Variants in MAP3K13 observed in about 807,000 individuals in gnomAD.
MAP3K13 encodes the protein leucine zipper-bearing kinase.
Under a neutral mutation model 104.0 loss-of-function variants are expected in MAP3K13, and 52 were observed. That is an observed-to-expected ratio of 0.50 (90% CI 0.40 to 0.63). The LOEUF is 0.63. MAP3K13 is among the 20% of genes least tolerant of loss of function. The pLI, the probability that MAP3K13 is intolerant of heterozygous loss-of-function variation, is 0.00. For synonymous variants in MAP3K13, 394 were observed against 442.2 expected (o/e 0.89, Z 1.37); for missense variants, 914 against 1,218.5 (o/e 0.75, Z 3.72).
rs537440229 is a variant in MAP3K13 at position 185,325,541 on chromosome 3, T to G, written c.-86+39898T>G. Among the ~76,000 whole-genome samples, 4 of 152,326 alleles carry G rather than the reference T, an allele frequency of 2.6e-5. No individual in the cohort carries two copies. The South Asian group carries it at 8.3e-4, about 32-fold the overall frequency. On this transcript the variant is annotated intron_variant, in intron 2 of 14. Transcript: ENST00000424227. The stretch of plus-strand genomic sequence containing the variant: ...CTCTCCTCCTCATAGACTGCTACCT[T>G]GGCTCAGTGTCACCTCAAAACTGCC...
chr3:185,347,633 A>G (rs1458218270), intron 2 of MAP3K13, among the ~76,000 whole-genome samples: 1 of 152,234 alleles, frequency 6.6e-6, no homozygotes, highest in African/African-American at 2.4e-5. Flanking sequence ...CATTCGATTG[A>G]AAATGTCACC....
intron 3 of MAP3K13, among the ~76,000 whole-genome samples, chr3:185,441,843 A>C (rs1715339124): frequency 6.6e-6 from 1 of 152,054 alleles, no homozygotes; most frequent in Non-Finnish European, 1.5e-5. Flanking sequence ...GGAGTTCAAG[A>C]CCAGCCTGAC....
intron 2 of MAP3K13, among the ~76,000 whole-genome samples, chr3:185,429,345 A>C (rs1298792871): frequency 1.3e-5 from 2 of 152,246 alleles, no homozygotes; most frequent in African/African-American, 2.4e-5. Flanking sequence ...ATTAGAGATC[A>C]TGTTTATCTC....
rs1361123412 is a variant in MAP3K13, at chr3:185,455,143, ATATG to A, written c.1278+3750_1278+3753del. ...TATATGTGAGATATATATATGATAT[ATATG>A]TGAGATATATATGATATATATGAGA... is the stretch of plus-strand genomic sequence containing the variant. On this transcript the variant is annotated intron_variant, in intron 7 of 13. Transcript: ENST00000265026. Among the ~76,000 whole-genome samples the A allele has an allele frequency of 3.1e-4, 31 of 99,642 alleles. 2 individuals are homozygous for A. The highest frequency in any genetic ancestry group is 9.8e-4 in the African/African-American group (29 of 29,562). 65.4% of individuals were successfully genotyped at this position (99,642 alleles called of 152,430 possible).
At chr3:185,468,587 C>T (rs1474484303) in intron 10 of MAP3K13, among the ~76,000 whole-genome samples, 1 of 152,134 alleles carries the variant, frequency 6.6e-6, no homozygotes, top group Admixed American at 6.5e-5. Flanking sequence ...GAGTTAAATG[C>T]AGTAAGAATA....
intron 7 of MAP3K13, among the ~76,000 whole-genome samples, chr3:185,454,894 G>C (rs1261313851): frequency 1.2e-5 from 1 of 83,950 alleles, no homozygotes; most frequent in Non-Finnish European, 2.2e-5. Flanking sequence ...ATATATATAT[G>C]AGATATATAT....
intron 2 of MAP3K13, among the ~76,000 whole-genome samples, chr3:185,305,468 A>G (rs1367805491): frequency 6.6e-6 from 1 of 152,148 alleles, no homozygotes. Context: ...ATAATTTCAT[A>G]GTTATAGTTT....
At chr3:185,298,258 C>T (rs890247535) in intron 2 of MAP3K13, among the ~76,000 whole-genome samples, 1 of 152,004 alleles carries the variant, frequency 6.6e-6, no homozygotes, top group Admixed American at 6.5e-5. Flanking sequence ...ACATCTGTCC[C>T]ACACCATTTT....
chr3:185,454,883 G>GAGATATATATC (rs1390778840), intron 7 of MAP3K13, among the ~76,000 whole-genome samples: 1 of 25,658 alleles, frequency 3.9e-5, no homozygotes, highest in African/African-American at 9.6e-5. Context: ...ATATATATAT[G>GAGATATATATC]ATATATATAT....
intron 2 of MAP3K13, among the ~76,000 whole-genome samples, chr3:185,339,861 A>G (rs2108718509): frequency 6.6e-6 from 1 of 152,388 alleles, no homozygotes. Context: ...AGGAAACATT[A>G]AAACATACAG....
In MAP3K13 at chr3:185,437,460, G is replaced by A. The variant is rs937213072; in HGVS notation, c.489G>A (p.Val163=). The change falls in exon 3 of 14, where the codon GTG becomes GTA. Residue 163 remains valine (V), a synonymous_variant. Coordinates refer to ENST00000265026, the MANE Select transcript of MAP3K13 (RefSeq NM_004721.5). ...TTGTGTGCCTAGATACTTGGGAAGT[G>A]CCATTTGAGGAGATCTCAGAGCTGC... The part of the protein sequence containing the change: ...YKLQQQDTWE[V]PFEEISELQW... The A allele has an allele frequency of 5.0e-6, 8 of 1,613,146 alleles. No individual in the cohort carries two copies. Among genetic ancestry groups the A allele is most frequent in the Non-Finnish European group, 6.8e-6 (8 of 1,179,692 alleles).
In MAP3K13 at chr3:185,458,805, G is replaced by A. The variant is rs375269226; in HGVS notation, c.1279-4745G>A. Reference sequence around the variant, plus strand: ...GCTGACTCCTTCCTGAGAAAACGCGGCATTTGTTTTTCGTCAACAGCACAT... The same window carrying A: ...GCTGACTCCTTCCTGAGAAAACGCGACATTTGTTTTTCGTCAACAGCACAT... On this transcript the variant is annotated intron_variant, in intron 7 of 13. Transcript: ENST00000265026. 9.1e-4 allele frequency among the ~76,000 whole-genome samples: 139 copies of A among 152,278 alleles called. 1 individual carries two copies. The South Asian group carries it at 0.019, about 21-fold the overall frequency.
intron 1 of MAP3K13, among the ~76,000 whole-genome samples, chr3:185,384,670 A>T (rs887916718): frequency 3.9e-5 from 6 of 152,040 alleles, no homozygotes; most frequent in Admixed American, 6.6e-5. Flanking sequence ...GATATATCTC[A>T]CTGTGGTTTG....
At chr3:185,402,289 T>C (rs889688741) in intron 1 of MAP3K13, among the ~76,000 whole-genome samples, 1 of 152,260 alleles carries the variant, frequency 6.6e-6, no homozygotes, top group Non-Finnish European at 1.5e-5. Context: ...TTATTCATGG[T>C]AGTAGTATCA....
chr3:185,407,172 T>C (rs899435436), intron 1 of MAP3K13, among the ~76,000 whole-genome samples: 2 of 152,342 alleles, frequency 1.3e-5, no homozygotes, highest in Non-Finnish European at 1.5e-5. Context: ...GAACCTTGGA[T>C]ATAAATAATG....
chr3:185,297,762 A>G (rs1209109466), intron 2 of MAP3K13, among the ~76,000 whole-genome samples: 1 of 151,878 alleles, frequency 6.6e-6, no homozygotes, highest in African/African-American at 2.4e-5. Flanking sequence ...AAAGAAAAGA[A>G]AAAGAAACAG....
At chr3:185,331,854 G>A (rs1722296162) in intron 2 of MAP3K13, among the ~76,000 whole-genome samples, 1 of 152,110 alleles carries the variant, frequency 6.6e-6, no homozygotes, top group Non-Finnish European at 1.5e-5. Flanking sequence ...AGTATAAATA[G>A]ATTCTTATTT....
At chr3:185,457,570 A>C (rs952824671) in intron 7 of MAP3K13, among the ~76,000 whole-genome samples, 14 of 152,028 alleles carry the variant, frequency 9.2e-5, no homozygotes, top group African/African-American at 3.1e-4. Flanking sequence ...TGCCCTCATG[A>C]CCTAATTACT....
Position 185,429,031 on chromosome 3 carries a change from C to T in MAP3K13, c.450C>T (p.Ser150=). ...PVWNIIGKAY[S]TDYKLQQQDT... is the part of the protein sequence containing the mutation. ...GGAATATCATTGGGAAGGCATATTC[C>T]ACTGATTACAAATTGCAGCAGCAAG... Residue 150 remains serine (S), a synonymous_variant, in exon 2 of 14, where the codon TCC becomes TCT. Coordinates refer to ENST00000265026, the MANE Select transcript of MAP3K13 (RefSeq NM_004721.5). 6.2e-7 allele frequency: 1 copy of T among 1,612,864 alleles called. No homozygotes were observed. Among genetic ancestry groups the T allele is most frequent in the South Asian group, 1.1e-5 (1 of 91,024 alleles).
Sources: allele counts gnomAD v4.1 joint callset (sites outside exome capture counted in the v4.1 genomes callset), GRCh38; gene constraint gnomAD v4.1.1; transcripts MANE v1.5; gene names NCBI Gene and HGNC (gene_info 2026-07-23, HGNC 2026-07-21).